Variants in ZRANB3 observed in about 807,000 individuals in gnomAD.
The protein encoded by ZRANB3 is zinc finger RANBP2-type containing 3, also known as DNA annealing helicase and endonuclease ZRANB3.
Under a neutral mutation model 133.8 loss-of-function variants are expected in ZRANB3, and 125 were observed. The ratio of observed to expected loss-of-function variants is 0.93; its 90% confidence interval spans 0.81 to 1.08. The LOEUF (loss-of-function observed/expected upper bound fraction) is 1.08, where lower values mean the gene tolerates loss of function less well. Among genes scored for constraint, ZRANB3 ranks in the 50% least tolerant of loss-of-function variants. ZRANB3 has a pLI of 0.00. For synonymous variants in ZRANB3, 387 were observed against 432.7 expected, an observed-to-expected ratio of 0.89 and a Z score of 1.31; for missense variants, 1,229 against 1,275.5, an observed-to-expected ratio of 0.96 and a Z score of 0.56.
chr2:135,401,645 T>C (rs1034970698), intron 2 of ZRANB3, among the ~76,000 whole-genome samples: 2 of 152,222 alleles, frequency 1.3e-5, no homozygotes, highest in Non-Finnish European at 2.9e-5. Context: ...AGTTAGCACA[T>C]GTCGTTTTGT....
chr2:135,317,999 G>A (rs1490558824), intron 6 of ZRANB3, among the ~76,000 whole-genome samples: 3 of 152,154 alleles, frequency 2.0e-5, no homozygotes, highest in Non-Finnish European at 2.9e-5. Context: ...ACTAGAAGAG[G>A]TGCCACCTGT....
intron 5 of ZRANB3, among the ~76,000 whole-genome samples, chr2:135,346,390 A>G (rs979673929): frequency 6.6e-6 from 1 of 152,086 alleles, no homozygotes; most frequent in African/African-American, 2.4e-5. Context: ...ATGAGCCACC[A>G]CGCCCAGCCT....
At chr2:135,422,919 T>A (rs994316340) in intron 2 of ZRANB3, among the ~76,000 whole-genome samples, 1 of 152,154 alleles carries the variant, frequency 6.6e-6, no homozygotes, top group Non-Finnish European at 1.5e-5. Flanking sequence ...TAAAACAAAA[T>A]AAATTTGTCT....
At position 135,208,725 on chromosome 2, in the gene ZRANB3, A is replaced by G. The variant is rs550020684; in HGVS notation, c.2606+143T>C. 13 of 638,068 alleles carry G rather than the reference A, an allele frequency of 2.0e-5. 1 individual carries two copies. The highest frequency in any genetic ancestry group is 3.8e-4 in the Middle Eastern group (1 of 2,646). 39.5% of individuals were successfully genotyped at this position (638,068 alleles called of 1,614,324 possible). On this transcript the variant is annotated intron_variant, in intron 18 of 20. Transcript: ENST00000264159. ...AGGTACCTCAACAGGTTGCTAGGAC[A>G]ACTGAAGAGCTACTATCTTGTGAAA...
chr2:135,362,326 A>G (rs1331898305), intron 3 of ZRANB3, among the ~76,000 whole-genome samples: 1 of 152,172 alleles, frequency 6.6e-6, no homozygotes, highest in African/African-American at 2.4e-5. Context: ...TTCTTACTCA[A>G]GACAGAAGAG....
chr2:135,450,603 A>T (rs1282233707), intron 2 of ZRANB3, among the ~76,000 whole-genome samples: 2 of 152,176 alleles, frequency 1.3e-5, no homozygotes, highest in Non-Finnish European at 2.9e-5. Flanking sequence ...AACAGACTGG[A>T]TTTAACCCTC....
At chr2:135,228,599 A>T (rs1340438201) in intron 13 of ZRANB3, among the ~76,000 whole-genome samples, 1 of 152,166 alleles carries the variant, frequency 6.6e-6, no homozygotes, top group Non-Finnish European at 1.5e-5. Flanking sequence ...TTAGAGTAGG[A>T]TGGTAGCAAT....
At chr2:135,238,397 T>G (rs1193014787) in intron 12 of ZRANB3, among the ~76,000 whole-genome samples, 1 of 151,542 alleles carries the variant, frequency 6.6e-6, no homozygotes, top group African/African-American at 2.4e-5. Flanking sequence ...GTGTGACTTT[T>G]TTTTTTTTTT....
chr2:135,427,911 T>C (rs948828443), intron 2 of ZRANB3, among the ~76,000 whole-genome samples: 6 of 152,134 alleles, frequency 3.9e-5, no homozygotes, highest in African/African-American at 1.4e-4. Context: ...CCTGTAACTA[T>C]CTGATCTTCA....
At chr2:135,411,315 A>T (rs942860476) in intron 2 of ZRANB3, among the ~76,000 whole-genome samples, 1 of 152,104 alleles carries the variant, frequency 6.6e-6, no homozygotes, top group Non-Finnish European at 1.5e-5. Context: ...CTGAGGGGGG[A>T]GGTGAGTGTA....
intron 2 of ZRANB3, among the ~76,000 whole-genome samples, chr2:135,407,686 G>C (rs562726852): frequency 6.6e-6 from 1 of 151,996 alleles, no homozygotes; most frequent in East Asian, 1.9e-4. Flanking sequence ...ACAGTCATCT[G>C]ATCTTTGACA....
intron 8 of ZRANB3, among the ~76,000 whole-genome samples, chr2:135,294,196 T>C (rs1460982542): frequency 6.6e-6 from 1 of 152,230 alleles, no homozygotes; most frequent in Non-Finnish European, 1.5e-5. Context: ...GTACCTCTCA[T>C]AGAATTTGGA....
At chr2:135,435,994 C>A (rs958415300) in intron 2 of ZRANB3, among the ~76,000 whole-genome samples, 2 of 151,980 alleles carry the variant, frequency 1.3e-5, no homozygotes, top group African/African-American at 4.8e-5. Context: ...TAATTAGATC[C>A]CACTTGTCAA....
In ZRANB3 at chr2:135,443,687, G is replaced by A. The variant is rs77313205; in HGVS notation, c.162-52867C>T. ...TGAAAGAACATCAGACAAATCCGACGTGAGGGACATTCAACAAAATACTGA... is the reference window on the plus strand; with the variant it reads ...TGAAAGAACATCAGACAAATCCGACATGAGGGACATTCAACAAAATACTGA... On this transcript the variant is annotated intron_variant, in intron 2 of 20. Transcript: ENST00000264159. Among the ~76,000 whole-genome samples, 486 of 152,100 alleles carry A rather than the reference G, an allele frequency of 3.2e-3. 2 individuals are homozygous for A. Among genetic ancestry groups the A allele is most frequent in the African/African-American group, 0.011 (456 of 41,476 alleles).
At chr2:135,463,550 T>C (rs913620447) in intron 2 of ZRANB3, among the ~76,000 whole-genome samples, 1 of 152,024 alleles carries the variant, frequency 6.6e-6, no homozygotes, top group Admixed American at 6.6e-5. Flanking sequence ...CCTGAATAGC[T>C]GGGATTCCAG....
chr2:135,464,849 G>C (rs186345736), intron 2 of ZRANB3, among the ~76,000 whole-genome samples: 1 of 152,306 alleles, frequency 6.6e-6, no homozygotes, highest in Admixed American at 6.5e-5. Flanking sequence ...ATGGGACTTT[G>C]TTTAGATGTG....
intron 2 of ZRANB3, among the ~76,000 whole-genome samples, chr2:135,469,244 G>GACACAC (rs149939641): frequency 0.041 from 6,099 of 147,816 alleles, 402 homozygotes; most frequent in African/African-American, 0.14. Context: ...CATGCATGCA[G>GACACAC]ACACACACAC....
chr2:135,293,022 G>A (rs975785976), intron 8 of ZRANB3, among the ~76,000 whole-genome samples: 43 of 152,028 alleles, frequency 2.8e-4, no homozygotes, highest in Admixed American at 5.9e-4. Context: ...TTGAAGTCAG[G>A]TAGTGTGATG....
At chr2:135,413,983 C>G (rs1238376380) in intron 2 of ZRANB3, among the ~76,000 whole-genome samples, 1 of 151,864 alleles carries the variant, frequency 6.6e-6, no homozygotes, top group Non-Finnish European at 1.5e-5. Flanking sequence ...GAACGAGTAC[C>G]AACCGTGGCA....
Sources: allele counts gnomAD v4.1 joint callset (sites outside exome capture counted in the v4.1 genomes callset), GRCh38; gene constraint gnomAD v4.1.1; transcripts MANE v1.5; gene names NCBI Gene and HGNC (gene_info 2026-07-23, HGNC 2026-07-21).